The following JAK2 variants were observed in gnomAD, a reference collection of about 807,000 sequenced individuals.
The protein encoded by JAK2 is Janus kinase 2, also known as tyrosine-protein kinase JAK2.
JAK2 carries 86 observed loss-of-function variants against 139.3 expected under a neutral mutation model. The ratio of observed to expected loss-of-function variants is 0.62; its 90% confidence interval spans 0.52 to 0.74. The LOEUF (loss-of-function observed/expected upper bound fraction) is 0.74, where lower values mean the gene tolerates loss of function less well. Ranked by LOEUF, JAK2 falls within the 30% of genes least tolerant of loss-of-function variation. The pLI, the probability that JAK2 is intolerant of heterozygous loss-of-function variation, is 0.00. For missense variants in JAK2, 1,421 were observed against 1,360.3 expected (o/e 1.04, Z -0.70); for synonymous variants, 490 against 437.7 (o/e 1.12, Z -1.49).
chr9:5,020,177 C>T (rs1822319997), intron 2 of JAK2, among the ~76,000 whole-genome samples: 1 of 152,076 alleles, frequency 6.6e-6, no homozygotes, highest in African/African-American at 2.4e-5. Flanking sequence ...GCAGTGACGG[C>T]GATTGGCTGG....
intron 4 of JAK2, among the ~76,000 whole-genome samples, chr9:5,038,019 ATTGC>A (rs1270271740): frequency 6.6e-6 from 1 of 151,966 alleles, no homozygotes; most frequent in Non-Finnish European, 1.5e-5. Flanking sequence ...AATGAACGAG[ATTGC>A]TTGCTTTAGC....
chr9:4,992,281 T>A (rs185340603), intron 2 of JAK2, among the ~76,000 whole-genome samples: 1 of 152,132 alleles, frequency 6.6e-6, no homozygotes, highest in African/African-American at 2.4e-5. Flanking sequence ...TCACCTTTCA[T>A]AGTGGTGAGT....
At chr9:5,027,185 G>C (rs531446646) in intron 3 of JAK2, among the ~76,000 whole-genome samples, 2 of 152,132 alleles carry the variant, frequency 1.3e-5, no homozygotes, top group Non-Finnish European at 2.9e-5. Flanking sequence ...AGTCTCAGCA[G>C]TTATATTTTA....
chr9:5,012,602 A>T (rs911135135), intron 2 of JAK2, among the ~76,000 whole-genome samples: 7 of 152,210 alleles, frequency 4.6e-5, no homozygotes, highest in African/African-American at 1.4e-4. Context: ...TATGTATAAT[A>T]AAATAATTAT....
At chr9:4,998,514 C>G (rs1478543310) in intron 2 of JAK2, among the ~76,000 whole-genome samples, 1 of 152,156 alleles carries the variant, frequency 6.6e-6, no homozygotes. Context: ...CTTGGCCTCC[C>G]AAAGTGCTGG....
At chr9:5,075,065 A>T (rs1819218547) in intron 14 of JAK2, among the ~76,000 whole-genome samples, 1 of 152,016 alleles carries the variant, frequency 6.6e-6, no homozygotes, top group Admixed American at 6.5e-5. Flanking sequence ...AGCCCAATCT[A>T]GAGCAAGATC....
intron 8 of JAK2, among the ~76,000 whole-genome samples, chr9:5,056,438 T>C (rs139068659): frequency 4.5e-4 from 68 of 152,206 alleles, no homozygotes; most frequent in African/African-American, 1.6e-3. Flanking sequence ...TTAATGTTAT[T>C]TGTCTATTTA....
chr9:5,079,926 A>G (rs1333471859), intron 16 of JAK2, among the ~76,000 whole-genome samples: 1 of 152,170 alleles, frequency 6.6e-6, no homozygotes, highest in South Asian at 2.1e-4. Flanking sequence ...TTGATTCAGA[A>G]CTCACTGTAC....
At chr9:5,108,655 G>T (rs573998068) in intron 22 of JAK2, 5 of 151,810 alleles carry the variant, frequency 3.3e-5, no homozygotes, top group Non-Finnish European at 7.4e-5. Flanking sequence ...GGTATAATAC[G>T]GCTTACCCTT....
intron 22 of JAK2, chr9:5,095,059 CAA>C (rs1235214091): frequency 1.3e-5 from 2 of 151,730 alleles, no homozygotes; most frequent in African/African-American, 2.4e-5. Context: ...ATAGAGTAAA[CAA>C]GAGAGGTTAA....
At chr9:4,999,274 A>G (rs1170272909) in intron 2 of JAK2, among the ~76,000 whole-genome samples, 1 of 152,196 alleles carries the variant, frequency 6.6e-6, no homozygotes, top group Non-Finnish European at 1.5e-5. Flanking sequence ...TATTCATCTT[A>G]GATTTCTTGT....
upstream of JAK2, chr9:4,984,747 C>G (rs1167947426): frequency 6.6e-6 from 1 of 152,342 alleles, no homozygotes; most frequent in South Asian, 2.1e-4. Context: ...GCAGGCTGCG[C>G]GCTGGGGAGC....
chr9:5,031,647 C>A (rs901693110), intron 4 of JAK2, among the ~76,000 whole-genome samples: 1 of 152,170 alleles, frequency 6.6e-6, no homozygotes, highest in East Asian at 1.9e-4. Context: ...GAACTGAATT[C>A]AAGTCCTTGG....
At chr9:5,001,093 A>T (rs983768997) in intron 2 of JAK2, among the ~76,000 whole-genome samples, 1 of 152,222 alleles carries the variant, frequency 6.6e-6, no homozygotes, top group Non-Finnish European at 1.5e-5. Flanking sequence ...AAGTTCTAGT[A>T]ATTTTTTGGT....
chr9:5,077,934 A>C (rs770020100), intron 15 of JAK2, among the ~76,000 whole-genome samples: 1 of 152,192 alleles, frequency 6.6e-6, no homozygotes, highest in Non-Finnish European at 1.5e-5. Context: ...TTGACAGAGA[A>C]GAATACCAGG....
At chr9:5,081,674 C>A in intron 18 of JAK2, 51 bp from the exon 19 acceptor site, 1 of 1,358,656 alleles carries the variant, frequency 7.4e-7, no homozygotes, top group Non-Finnish European at 1.0e-6. Context: ...CAGTTTAGTC[C>A]AGAGAATGTT....
intron 4 of JAK2, among the ~76,000 whole-genome samples, chr9:5,040,035 C>G (rs1272897072): frequency 6.6e-6 from 1 of 152,088 alleles, no homozygotes; most frequent in African/African-American, 2.4e-5. Flanking sequence ...AGTTTGAAGA[C>G]TTATACTTCC....
intron 10 of JAK2, among the ~76,000 whole-genome samples, chr9:5,067,901 A>C (rs537675780): frequency 6.6e-6 from 1 of 152,200 alleles, no homozygotes; most frequent in South Asian, 2.1e-4. Context: ...CACCTGTAAT[A>C]CCAGCACTTT....
At chr9:5,002,615 ATTGTG>A (rs1436664651) in intron 2 of JAK2, among the ~76,000 whole-genome samples, 3 of 151,946 alleles carry the variant, frequency 2.0e-5, no homozygotes, top group Non-Finnish European at 4.4e-5. Context: ...GTTGTTGGGC[ATTGTG>A]TTCTGTAAAT....
Sources: allele counts gnomAD v4.1 joint callset (sites outside exome capture counted in the v4.1 genomes callset), GRCh38; gene constraint gnomAD v4.1.1; transcripts MANE v1.5; gene names NCBI Gene and HGNC (gene_info 2026-07-23, HGNC 2026-07-21).